Variants in CX3CR1 observed in about 807,000 individuals in gnomAD.
The protein encoded by CX3CR1 is C-X3-C motif chemokine receptor 1, also known as CX3C chemokine receptor 1.
For synonymous variants in CX3CR1, 168 were observed against 178.5 expected, an observed-to-expected ratio of 0.94 and a Z score of 0.47; for missense variants, 363 against 432.4, an observed-to-expected ratio of 0.84 and a Z score of 1.42.
At chr3:39,281,769 C>T (rs1388687107), upstream of CX3CR1, 2 of 1,133,076 alleles carry the variant, frequency 1.8e-6, no homozygotes, top group African/African-American at 3.0e-5. Context: ...ACCACTTCCA[C>T]TTCCCCCAAC....
intron 1 of CX3CR1, among the ~76,000 whole-genome samples, chr3:39,278,084 T>G (rs1310940278): frequency 6.6e-6 from 1 of 152,300 alleles, no homozygotes; most frequent in South Asian, 2.1e-4. Flanking sequence ...GAGCCAGGAC[T>G]TCATTCCTGA....
intron 1 of CX3CR1, among the ~76,000 whole-genome samples, chr3:39,271,158 A>G (rs972591202): frequency 9.2e-5 from 14 of 152,348 alleles, no homozygotes; most frequent in African/African-American, 3.4e-4. Flanking sequence ...AATGTTCAAC[A>G]GAAGGCCTGG....
At chr3:39,273,084 G>A (rs1016374906) in intron 1 of CX3CR1, among the ~76,000 whole-genome samples, 22 of 152,372 alleles carry the variant, frequency 1.4e-4, no homozygotes, top group South Asian at 2.1e-4. Context: ...TCCTTGCACC[G>A]CACAATGCTT....
chr3:39,290,102 C>T, the CX3CR1 span, among the ~76,000 whole-genome samples: 2,596 of 152,298 alleles, frequency 0.017, 70 homozygotes, highest in African/African-American at 0.059. Context: ...GTTTAGCTTA[C>T]TGCGGCAAGG....
intron 1 of CX3CR1, among the ~76,000 whole-genome samples, chr3:39,269,999 C>G (rs1214234605): frequency 6.6e-6 from 1 of 152,248 alleles, no homozygotes; most frequent in Non-Finnish European, 1.5e-5. Flanking sequence ...CTGTGCCTCA[C>G]AGGAGGCACA....
intron 1 of CX3CR1, 96 bp from the exon 2 acceptor site, chr3:39,266,614 A>T: frequency 8.1e-7 from 1 of 1,227,058 alleles, no homozygotes; most frequent in Non-Finnish European, 1.2e-6. Flanking sequence ...AGGAAGAAAC[A>T]AATATTGGTT....
At chr3:39,271,645 G>A (rs966269410) in intron 1 of CX3CR1, among the ~76,000 whole-genome samples, 1 of 152,176 alleles carries the variant, frequency 6.6e-6, no homozygotes, top group Non-Finnish European at 1.5e-5. Flanking sequence ...GGGCAACATA[G>A]GGTTTTGCCT....
chr3:39,271,784 C>T (rs1350414810), intron 1 of CX3CR1, among the ~76,000 whole-genome samples: 1 of 152,236 alleles, frequency 6.6e-6, no homozygotes, highest in Non-Finnish European at 1.5e-5. Flanking sequence ...GTGTCCTTCG[C>T]AGAAGTATTC....
At position 39,265,251 on chromosome 3, in the gene CX3CR1, T is replaced by C; in HGVS notation, c.*191A>G. The C allele has an allele frequency of 1.7e-6, 1 of 573,480 alleles. No homozygotes were observed. The highest frequency in any genetic ancestry group is 2.9e-5 in the East Asian group (1 of 34,826). 35.5% of individuals were successfully genotyped at this position (573,480 alleles called of 1,614,324 possible). ...TAAGAGAAATGTCTACTCTTTGTCA[T>C]TCAAAGAGTTCAATTTGTTCATTCT... On this transcript the variant is annotated 3_prime_UTR_variant, in exon 2 of 2. Coordinates refer to ENST00000399220, the MANE Select transcript of CX3CR1 (RefSeq NM_001337.4).
At position 39,266,057 on chromosome 3, in the gene CX3CR1, T is replaced by C; in HGVS notation, c.453A>G (p.Leu151=). ...CCAAAATGGCTGCTGCCCAGACGCCTAGGCTGATGGTGACGCCATGCTGCA... is the reference window on the plus strand; with the variant it reads ...CCAAAATGGCTGCTGCCCAGACGCCCAGGCTGATGGTGACGCCATGCTGCA... The part of the protein sequence containing the change: ...RTVQHGVTIS[L]GVWAAAILVA... The change falls in exon 2 of 2, where the codon CTA becomes CTG. Residue 151 remains leucine (L), a synonymous_variant. Transcript: ENST00000399220. 6.2e-7 allele frequency: 1 copy of C among 1,614,154 alleles called. No individual in the cohort carries two copies. The highest frequency in any genetic ancestry group is 8.5e-7 in the Non-Finnish European group (1 of 1,180,022).
chr3:39,279,872 TA>T, intron 1 of CX3CR1, 81 bp downstream of exon 1: 1 of 581,408 alleles, frequency 1.7e-6, no homozygotes, highest in Non-Finnish European at 2.2e-6. Flanking sequence ...TGTCTGCACG[TA>T]AGCAAACAGG....
At chr3:39,280,126 C>G, upstream of CX3CR1, 1 of 968,468 alleles carries the variant, frequency 1.0e-6, no homozygotes, top group South Asian at 4.8e-5. Flanking sequence ...GATGCTGCCA[C>G]AGGCAAGCTC....
At chr3:39,291,386 T>C in the CX3CR1 span, among the ~76,000 whole-genome samples, 1 of 152,182 alleles carries the variant, frequency 6.6e-6, no homozygotes, top group Admixed American at 6.5e-5. Context: ...ATTCTGCCTT[T>C]TTTCACGTGC....
chr3:39,265,999 T>C lies in CX3CR1; in HGVS notation c.511A>G (p.Lys171Glu). ...AAPQFMFTKQ[K>E]ENECLGDYPE... ...TAGTCACCAAGGCATTCATTTTCTT[T>C]CTGCTTTGTGAACATGAACTGGGGT... is the stretch of plus-strand genomic sequence containing the variant. Residue 171 changes from lysine to glutamate, a missense_variant, in exon 2 of 2, where the codon AAA (lysine) becomes GAA (glutamate). Coordinates refer to ENST00000399220, the MANE Select transcript of CX3CR1 (RefSeq NM_001337.4). 1 of 1,614,192 alleles carries C rather than the reference T, an allele frequency of 6.2e-7. No individual in the cohort carries two copies. The highest frequency in any genetic ancestry group is 8.5e-7 in the Non-Finnish European group (1 of 1,180,040).
chr3:39,287,722 T>C, the CX3CR1 span: 1 of 152,244 alleles, frequency 6.6e-6, no homozygotes, highest in Non-Finnish European at 1.5e-5. Flanking sequence ...CAAGATTTTG[T>C]AAATCTACAA....
chr3:39,292,645 T>C, the CX3CR1 span, among the ~76,000 whole-genome samples: 405 of 152,342 alleles, frequency 2.7e-3, no homozygotes, highest in Non-Finnish European at 4.1e-3. Context: ...TATTTATTAT[T>C]TTGTTTAATC....
At chr3:39,278,289 G>C (rs1197552668) in intron 1 of CX3CR1, among the ~76,000 whole-genome samples, 1 of 152,222 alleles carries the variant, frequency 6.6e-6, no homozygotes. Flanking sequence ...AAGTTGGGCT[G>C]AGACTATTTC....
In CX3CR1 at chr3:39,265,862, C is replaced by T; in HGVS notation, c.648G>A (p.Gln216=). Reference sequence around the variant, plus strand: ...TGTGGTTCTTGCAGGAAAACAGCGTCTGGATGATTCTGAAGTAGCAATAAC... The same window carrying T: ...TGTGGTTCTTGCAGGAAAACAGCGTTTGGATGATTCTGAAGTAGCAATAAC... ...IMSYCYFRII[Q]TLFSCKNHKK... is the part of the protein sequence containing the mutation. The change falls in exon 2 of 2, where the codon CAG becomes CAA. Residue 216 remains glutamine, a synonymous_variant. Transcript: ENST00000399220. 1 of 1,614,200 alleles carries T rather than the reference C, an allele frequency of 6.2e-7. No homozygotes were observed. Among genetic ancestry groups the T allele is most frequent in the Non-Finnish European group, 8.5e-7 (1 of 1,180,044 alleles).
At chr3:39,281,573 CCTT>C (rs1559371166), upstream of CX3CR1, 1 of 1,571,864 alleles carries the variant, frequency 6.4e-7, no homozygotes, top group South Asian at 1.1e-5. Flanking sequence ...GCCCATCTAA[CCTT>C]CTCCGTTCTC....
Sources: allele counts gnomAD v4.1 joint callset (sites outside exome capture counted in the v4.1 genomes callset), GRCh38; gene constraint gnomAD v4.1.1; transcripts MANE v1.5; gene names NCBI Gene and HGNC (gene_info 2026-07-23, HGNC 2026-07-21).